The following DDX10 variants were observed in gnomAD, a reference collection of about 807,000 sequenced individuals.
DDX10 encodes the protein DEAD-box helicase 10.
In DDX10, 74 loss-of-function variants were observed where a neutral mutation model predicts 104.3. That is an observed-to-expected ratio of 0.71 (90% CI 0.59 to 0.86). The LOEUF (loss-of-function observed/expected upper bound fraction) is 0.86. Ranked by LOEUF, DDX10 falls within the 40% of genes least tolerant of loss-of-function variation. The probability of loss-of-function intolerance (pLI) is 0.00; values close to 1 mark genes in which losing one functional copy is unlikely to be tolerated. For synonymous variants in DDX10, 351 were observed against 353.4 expected (o/e 0.99, Z 0.08); for missense variants, 952 against 1,040.0 (o/e 0.92, Z 1.16).
intron 13 of DDX10, among the ~76,000 whole-genome samples, chr11:108,788,050 T>C (rs1440459085): frequency 1.3e-5 from 2 of 152,264 alleles, no homozygotes; most frequent in Non-Finnish European, 1.5e-5. Flanking sequence ...TGTTTTACTG[T>C]ATTCCTTGGA....
intron 13 of DDX10, among the ~76,000 whole-genome samples, chr11:108,788,419 A>G (rs973699150): frequency 1.9e-4 from 29 of 151,934 alleles, no homozygotes; most frequent in African/African-American, 5.8e-4. Context: ...CTGGAGTGCA[A>G]TGATGTGATC....
At chr11:108,832,347 T>C (rs145138914) in intron 13 of DDX10, among the ~76,000 whole-genome samples, 95 of 152,284 alleles carry the variant, frequency 6.2e-4, no homozygotes, top group African/African-American at 2.2e-3. Flanking sequence ...AATTAAAAAC[T>C]TCATCTTCAC....
intron 10 of DDX10, among the ~76,000 whole-genome samples, chr11:108,715,485 C>G (rs1368219550): frequency 1.3e-5 from 2 of 152,236 alleles, no homozygotes; most frequent in Non-Finnish European, 1.5e-5. Flanking sequence ...GATTGCACCA[C>G]TACACTCCAG....
At chr11:108,792,921 C>T (rs543603652) in intron 13 of DDX10, among the ~76,000 whole-genome samples, 1 of 152,172 alleles carries the variant, frequency 6.6e-6, no homozygotes, top group South Asian at 2.1e-4. Context: ...TAGTTGTTTT[C>T]ATTGTATGTG....
rs1024411837 is a variant in DDX10, at chr11:108,712,445, G to GT, written c.1323-3424dup. ...ACTGTTTTCTCTCCTTAGCATACCA[G>GT]TTTTTTTTTTCTTTTTCACTTTTTT... On this transcript the variant is annotated intron_variant, in intron 10 of 17. Transcript: ENST00000322536. 3.2e-3 allele frequency among the ~76,000 whole-genome samples: 471 copies of GT among 148,354 alleles called. 2 individuals are homozygous for GT. The highest frequency in any genetic ancestry group is 9.9e-3 in the African/African-American group (400 of 40,528).
chr11:108,768,806 C>CT (rs543799801), intron 13 of DDX10, among the ~76,000 whole-genome samples: 36 of 150,718 alleles, frequency 2.4e-4, no homozygotes, highest in South Asian at 2.1e-4. Context: ...ATTTCCTCGT[C>CT]TTTTTTTTTG....
intron 1 of DDX10, among the ~76,000 whole-genome samples, chr11:108,667,236 T>C (rs2094211298): frequency 6.6e-6 from 1 of 152,246 alleles, no homozygotes; most frequent in Non-Finnish European, 1.5e-5. Context: ...CTTAAATGAA[T>C]GGGTGTTGTT....
intron 17 of DDX10, among the ~76,000 whole-genome samples, chr11:108,927,083 A>G (rs1024651374): frequency 3.9e-5 from 6 of 152,238 alleles, no homozygotes; most frequent in African/African-American, 1.4e-4. Context: ...CCACCTCCAG[A>G]CACCCACCCT....
chr11:108,806,174 G>T (rs1323599706), intron 13 of DDX10, among the ~76,000 whole-genome samples: 3 of 152,104 alleles, frequency 2.0e-5, no homozygotes, highest in Non-Finnish European at 2.9e-5. Context: ...TGTTGGCTAG[G>T]CTGGTCTCGA....
intron 12 of DDX10, 46 bp downstream of exon 12, chr11:108,719,931 A>C: frequency 8.6e-7 from 1 of 1,157,652 alleles, no homozygotes. Flanking sequence ...TCAAGGTTAG[A>C]GGGAATTAAT....
intron 13 of DDX10, among the ~76,000 whole-genome samples, chr11:108,777,808 C>G (rs1242106566): frequency 1.3e-5 from 2 of 151,974 alleles, no homozygotes; most frequent in Non-Finnish European, 2.9e-5. Context: ...TCGTCTCAGC[C>G]CAAAATCTCC....
chr11:108,799,250 C>G (rs1288216780), intron 13 of DDX10, among the ~76,000 whole-genome samples: 1 of 152,178 alleles, frequency 6.6e-6, no homozygotes. Flanking sequence ...TGATTCAAAA[C>G]TAAATTTCTT....
At chr11:108,854,425 A>G (rs1011532844) in intron 16 of DDX10, among the ~76,000 whole-genome samples, 1 of 152,182 alleles carries the variant, frequency 6.6e-6, no homozygotes, top group Non-Finnish European at 1.5e-5. Flanking sequence ...AAACCTAATC[A>G]TTGTGTTACT....
In DDX10 at chr11:108,689,034, G is replaced by A. The variant is rs143049163; in HGVS notation, c.947G>A (p.Ser316Asn). The stretch of plus-strand genomic sequence containing the variant: ...TTGAGAAGCCATCTGAAGAAGAAGA[G>A]CATTGTATTTTTTTCCAGTTGCAAA... The part of the protein sequence containing the change: ...SFLRSHLKKK[S>N]IVFFSSCKEV... Residue 316 changes from serine to asparagine, a missense_variant, in exon 7 of 18, where the codon AGC (serine) becomes AAC (asparagine). Ser to Asn is a conservative substitution (Grantham distance 46, BLOSUM62 1). Around this residue, in one of 3 missense-constraint regions of DDX10, gnomAD observed 412 missense variants for 479.2 expected, o/e 0.86. Coordinates refer to ENST00000322536, the MANE Select transcript of DDX10 (RefSeq NM_004398.4). The A allele has an allele frequency of 8.4e-5, 135 of 1,614,044 alleles. No homozygotes were observed. The African/African-American group carries it at 1.4e-3, about 17-fold the overall frequency.
At chr11:108,765,341 A>ATTT (rs1175138942) in intron 13 of DDX10, among the ~76,000 whole-genome samples, 1 of 152,174 alleles carries the variant, frequency 6.6e-6, no homozygotes, top group Non-Finnish European at 1.5e-5. Flanking sequence ...TAATCATAGT[A>ATTT]TTTGAATAGG....
intron 13 of DDX10, among the ~76,000 whole-genome samples, chr11:108,781,979 C>A (rs1370350070): frequency 6.6e-6 from 1 of 152,202 alleles, no homozygotes; most frequent in Non-Finnish European, 1.5e-5. Context: ...GGATACTCCC[C>A]TCTGACCTCC....
intron 16 of DDX10, 93 bp from the exon 17 acceptor site, chr11:108,917,780 A>G: frequency 2.4e-6 from 3 of 1,273,100 alleles, no homozygotes; most frequent in East Asian, 4.6e-5. Flanking sequence ...GTGGATGTCA[A>G]TTAGAGGGAT....
chr11:108,729,665 C>T (rs912572345), intron 13 of DDX10, among the ~76,000 whole-genome samples: 1 of 151,470 alleles, frequency 6.6e-6, no homozygotes, highest in African/African-American at 2.4e-5. Context: ...TAATACTATA[C>T]ATCAGGCCAG....
intron 13 of DDX10, among the ~76,000 whole-genome samples, chr11:108,789,701 G>A (rs1009410372): frequency 2.0e-5 from 3 of 152,156 alleles, no homozygotes; most frequent in Non-Finnish European, 4.4e-5. Context: ...TAACATGTAG[G>A]ATGCTTTTCA....
Sources: allele counts gnomAD v4.1 joint callset (sites outside exome capture counted in the v4.1 genomes callset), GRCh38; gene constraint gnomAD v4.1.1; regional missense constraint gnomAD v4.1.1; transcripts MANE v1.5; gene names NCBI Gene and HGNC (gene_info 2026-07-23, HGNC 2026-07-21).